The following SDK1 variants were observed in gnomAD, a reference collection of about 807,000 sequenced individuals.
The protein encoded by SDK1 is protein sidekick-1.
SDK1 carries 157 observed loss-of-function variants against 245.5 expected under a neutral mutation model. The observed-to-expected ratio is 0.64, with a 90% CI of 0.56 to 0.73. SDK1 has a LOEUF of 0.73. SDK1 is among the 30% of genes least tolerant of loss of function. The probability of loss-of-function intolerance (pLI) is 0.00; values close to 1 mark genes in which losing one functional copy is unlikely to be tolerated. For synonymous variants in SDK1, 1,647 were observed against 1,278.5 expected (o/e 1.29, Z -6.15); for missense variants, 3,583 against 3,002.3 (o/e 1.19, Z -4.52).
At chr7:3,747,615 G>C (rs959713983) in intron 4 of SDK1, among the ~76,000 whole-genome samples, 1 of 152,178 alleles carries the variant, frequency 6.6e-6, no homozygotes, top group Non-Finnish European at 1.5e-5. Context: ...ATGGGGCAAA[G>C]GGAAATAATC....
At chr7:4,050,866 A>C (rs1166126841) in intron 18 of SDK1, among the ~76,000 whole-genome samples, 1 of 144,902 alleles carries the variant, frequency 6.9e-6, no homozygotes, top group Non-Finnish European at 1.5e-5. Context: ...TATATACTAT[A>C]TGGTATATAT....
chr7:3,718,679 C>A (rs556737218), intron 4 of SDK1, among the ~76,000 whole-genome samples: 1 of 152,024 alleles, frequency 6.6e-6, no homozygotes, highest in Admixed American at 6.5e-5. Context: ...CAGAAACTTA[C>A]AACTAATACA....
At chr7:3,770,486 G>A (rs545061352) in intron 4 of SDK1, among the ~76,000 whole-genome samples, 1 of 152,308 alleles carries the variant, frequency 6.6e-6, no homozygotes, top group Admixed American at 6.5e-5. Flanking sequence ...TTGCTGCGTT[G>A]TGTGGTAGCT....
At chr7:4,264,656 A>T (rs1307725413) in intron 44 of SDK1, among the ~76,000 whole-genome samples, 1 of 146,274 alleles carries the variant, frequency 6.8e-6, no homozygotes, top group South Asian at 2.2e-4. Context: ...GGCCGTGTAG[A>T]CCTCTCCTGA....
In SDK1 at chr7:3,695,880, G is replaced by A. The variant is rs116733582; in HGVS notation, c.713+53775G>A. Among the ~76,000 whole-genome samples, 383 of 152,316 alleles carry A rather than the reference G, an allele frequency of 2.5e-3. 2 individuals carry two copies. The highest frequency in any genetic ancestry group is 8.9e-3 in the African/African-American group (372 of 41,566). On this transcript the variant is annotated intron_variant, in intron 4 of 44. Transcript: ENST00000404826. Reference sequence around the variant, plus strand: ...CCAAATTACCTTATTTCATTCTGCAGTGATGACACAATCAAAGCTAATGAG... The same window carrying A: ...CCAAATTACCTTATTTCATTCTGCAATGATGACACAATCAAAGCTAATGAG...
chr7:3,878,618 T>C (rs1359439561), intron 5 of SDK1, among the ~76,000 whole-genome samples: 1 of 152,218 alleles, frequency 6.6e-6, no homozygotes, highest in African/African-American at 2.4e-5. Context: ...TTTATCGGAA[T>C]TGGTGAAATC....
At chr7:3,974,648 C>A (rs531788056) in intron 13 of SDK1, 103 bp downstream of exon 13, 7 of 1,130,698 alleles carry the variant, frequency 6.2e-6, no homozygotes, top group Non-Finnish European at 9.0e-6. Flanking sequence ...GGCTTGTGTC[C>A]CAAGTCAGCG....
intron 1 of SDK1, among the ~76,000 whole-genome samples, chr7:3,435,529 T>G (rs985354516): frequency 2.0e-5 from 3 of 151,032 alleles, no homozygotes; most frequent in African/African-American, 4.9e-5. Flanking sequence ...TTATTATTAT[T>G]ATTATTTTGT....
chr7:4,161,737 G>T, intron 31 of SDK1, 49 bp from the exon 32 acceptor site: 1 of 1,522,320 alleles, frequency 6.6e-7, no homozygotes, highest in Non-Finnish European at 9.1e-7. Flanking sequence ...AAGGGCGGCA[G>T]AACATAACAA....
At chr7:4,152,990 G>A (rs1780485286) in intron 30 of SDK1, among the ~76,000 whole-genome samples, 1 of 152,136 alleles carries the variant, frequency 6.6e-6, no homozygotes, top group Admixed American at 6.6e-5. Flanking sequence ...AAGAAGAGAA[G>A]GGCTCTGAGC....
At chr7:4,187,180 AG>A (rs1334801928) in intron 35 of SDK1, among the ~76,000 whole-genome samples, 1 of 152,096 alleles carries the variant, frequency 6.6e-6, no homozygotes, top group African/African-American at 2.4e-5. Flanking sequence ...GGGATGAGGC[AG>A]GGGGCACCTG....
At chr7:3,802,101 C>G (rs992806396) in intron 4 of SDK1, among the ~76,000 whole-genome samples, 1 of 152,084 alleles carries the variant, frequency 6.6e-6, no homozygotes, top group Non-Finnish European at 1.5e-5. Context: ...TTCCATGTAC[C>G]CTTCACCCAA....
intron 1 of SDK1, among the ~76,000 whole-genome samples, chr7:3,390,521 T>C (rs1038028098): frequency 6.6e-6 from 1 of 152,200 alleles, no homozygotes; most frequent in Non-Finnish European, 1.5e-5. Flanking sequence ...TGTGAGTTTA[T>C]TTGGAAATTG....
At chr7:3,856,347 A>C (rs1011241514) in intron 5 of SDK1, among the ~76,000 whole-genome samples, 1 of 152,148 alleles carries the variant, frequency 6.6e-6, no homozygotes, top group Non-Finnish European at 1.5e-5. Context: ...GAAACAACCT[A>C]GAATTTTGGC....
chr7:4,021,945 C>G (rs962290960), intron 17 of SDK1, among the ~76,000 whole-genome samples: 3 of 152,180 alleles, frequency 2.0e-5, no homozygotes, highest in Non-Finnish European at 4.4e-5. Flanking sequence ...CATGACTTCC[C>G]ACCCATCCCC....
At chr7:3,802,530 A>G (rs1583429168) in intron 4 of SDK1, among the ~76,000 whole-genome samples, 1 of 151,242 alleles carries the variant, frequency 6.6e-6, no homozygotes, top group Admixed American at 6.6e-5. Context: ...ATGAGACCCT[A>G]TATCAAAAAA....
intron 4 of SDK1, among the ~76,000 whole-genome samples, chr7:3,734,942 C>T: frequency 6.6e-6 from 1 of 152,282 alleles, no homozygotes; most frequent in Middle Eastern, 3.4e-3. Flanking sequence ...CTTGAGTGCC[C>T]TGTGTCCTTC....
At chr7:3,681,028 A>G (rs1784083281) in intron 4 of SDK1, among the ~76,000 whole-genome samples, 1 of 152,070 alleles carries the variant, frequency 6.6e-6, no homozygotes, top group African/African-American at 2.4e-5. Flanking sequence ...ATTTTTTAGT[A>G]GAGATGGGGT....
At chr7:3,889,308 A>C (rs1055366217) in intron 5 of SDK1, among the ~76,000 whole-genome samples, 1 of 152,222 alleles carries the variant, frequency 6.6e-6, no homozygotes, top group Non-Finnish European at 1.5e-5. Context: ...AGAGGAGGCC[A>C]TTCTCCCTGT....
Sources: allele counts gnomAD v4.1 joint callset (sites outside exome capture counted in the v4.1 genomes callset), GRCh38; gene constraint gnomAD v4.1.1; transcripts MANE v1.5; gene names NCBI Gene and HGNC (gene_info 2026-07-23, HGNC 2026-07-21).